The following ADNP variants were observed in gnomAD, a reference collection of about 807,000 sequenced individuals.
The protein encoded by ADNP is activity-dependent neuroprotector homeobox protein.
ADNP carries 4 observed loss-of-function variants against 84.9 expected under a neutral mutation model. The ratio of observed to expected loss-of-function variants is 0.05; its 90% CI spans 0.02 to 0.11. ADNP has a LOEUF of 0.11. Among genes scored for constraint, ADNP ranks in the 10% least tolerant of loss-of-function variants. The probability of loss-of-function intolerance (pLI) is 1.00; values close to 1 mark genes in which losing one functional copy is unlikely to be tolerated. For missense variants in ADNP, 1,132 were observed against 1,326.0 expected (o/e 0.85, Z 2.27); for synonymous variants, 554 against 468.1 (o/e 1.18, Z -2.37).
chr20:50,895,697 C>T (rs1469302830), intron 5 of ADNP, among the ~76,000 whole-genome samples: 2 of 152,166 alleles, frequency 1.3e-5, no homozygotes, highest in Non-Finnish European at 2.9e-5. Flanking sequence ...TGTGTGCCAC[C>T]ACACTAGGGT....
chr20:50,918,209 T>C (rs1005287657), intron 2 of ADNP, among the ~76,000 whole-genome samples: 2 of 152,142 alleles, frequency 1.3e-5, no homozygotes, highest in African/African-American at 4.8e-5. Flanking sequence ...GGCAGCAGTA[T>C]TGATTAGGGA....
chr20:50,902,641 T>G (rs1982102664), intron 4 of ADNP, among the ~76,000 whole-genome samples: 2 of 152,180 alleles, frequency 1.3e-5, no homozygotes, highest in South Asian at 2.1e-4. Context: ...TATACTCTCA[T>G]GTAAAAATTT....
intron 2 of ADNP, among the ~76,000 whole-genome samples, chr20:50,925,210 A>C (rs949812813): frequency 5.3e-5 from 8 of 152,038 alleles, no homozygotes; most frequent in Admixed American, 5.2e-4. Flanking sequence ...TGTGCCCTGC[A>C]ATCAAAACTG....
intron 2 of ADNP, among the ~76,000 whole-genome samples, chr20:50,907,413 C>T (rs145039130): frequency 7.2e-5 from 11 of 152,132 alleles, no homozygotes; most frequent in South Asian, 6.2e-4. Context: ...ACTACAGGCG[C>T]GTACCACCAC....
chr20:50,928,421 AATG>A (rs1984430602), intron 2 of ADNP, among the ~76,000 whole-genome samples: 1 of 152,212 alleles, frequency 6.6e-6, no homozygotes, highest in African/African-American at 2.4e-5. Flanking sequence ...GTAGAATGCA[AATG>A]ATTACAATAT....
At chr20:50,912,908 A>G (rs891516828) in intron 2 of ADNP, among the ~76,000 whole-genome samples, 4 of 152,082 alleles carry the variant, frequency 2.6e-5, no homozygotes, top group African/African-American at 9.7e-5. Flanking sequence ...GGGAGAAGAG[A>G]AGAGTGTGGA....
chr20:50,890,124 T>C lies in ADNP; in HGVS notation c.*1281A>G, dbSNP rs1980510109. On this transcript the variant is annotated 3_prime_UTR_variant, in exon 6 of 6. Transcript: ENST00000621696. ...ACTGAAAAACTCAAGGGTGTTTGTT[T>C]TTCAGTTAAAAAAAAAAAAAAAAAA... The C allele has an allele frequency of 7.4e-6, 2 of 271,108 alleles. No homozygotes were observed. The highest frequency in any genetic ancestry group is 5.1e-5 in the African/African-American group (2 of 39,314). The allele number at this position is 271,108 out of a possible 1,614,324, so 16.8% of individuals were successfully genotyped here.
At chr20:50,919,276 T>C (rs1427030149) in intron 2 of ADNP, among the ~76,000 whole-genome samples, 3 of 110,536 alleles carry the variant, frequency 2.7e-5, no homozygotes, top group East Asian at 2.3e-4. Context: ...CCTGAAAAAA[T>C]ACATATATTT....
intron 2 of ADNP, among the ~76,000 whole-genome samples, chr20:50,924,833 AAAT>A (rs1401058682): frequency 4.6e-5 from 7 of 152,258 alleles, no homozygotes; most frequent in African/African-American, 1.7e-4. Context: ...ACAGCTGGTC[AAAT>A]AATGCATGAC....
intron 5 of ADNP, among the ~76,000 whole-genome samples, chr20:50,899,046 T>C (rs1365372874): frequency 6.6e-6 from 1 of 152,146 alleles, no homozygotes; most frequent in Non-Finnish European, 1.5e-5. Context: ...TTGAACTGCT[T>C]ATATGTGGAT....
chr20:50,891,607 A>C lies in ADNP; in HGVS notation c.3107T>G (p.Val1036Gly). The change falls in exon 6 of 6, where the codon GTT (valine) becomes GGT (glycine). Residue 1036 changes from valine (V) to glycine (G), a missense_variant. This residue lies in a region of ADNP where 381 missense variants were observed against 319.9 expected (regional missense o/e 1.19). Transcript: ENST00000621696. ...LKWKNSSYGK[V>G]EGFWSKDQSQ... ...CTGGTCCTTAGACCAAAACCCTTCA[A>C]CTTTTCCATAGGAACTATTCTTCCA... 1 of 1,613,770 alleles carries C rather than the reference A, an allele frequency of 6.2e-7. No homozygotes were observed. The highest frequency in any genetic ancestry group is 8.5e-7 in the Non-Finnish European group (1 of 1,179,992).
Position 50,930,840 on chromosome 20 carries a change from G to T in ADNP, c.-279C>A. 6.8e-6 allele frequency: 1 copy of T among 147,614 alleles called. No homozygotes were observed. The highest frequency in any genetic ancestry group is 1.8e-4 in the South Asian group (1 of 5,630). 9.1% of individuals were successfully genotyped at this position (147,614 alleles called of 1,614,324 possible). ...GCCGGGCTTACCTTGACTCGGCCTC[G>T]AGGCGCGCGCGGGGCCGGCGTGCTC... On this transcript the variant is annotated 5_prime_UTR_variant, in exon 1 of 6. Coordinates refer to ENST00000621696, the MANE Select transcript of ADNP (RefSeq NM_001282531.3).
intron 5 of ADNP, among the ~76,000 whole-genome samples, chr20:50,895,635 T>C (rs773509990): frequency 2.0e-5 from 3 of 152,146 alleles, no homozygotes; most frequent in Non-Finnish European, 2.9e-5. Context: ...AGCCTCAACC[T>C]CTTGGGCTCA....
In ADNP at chr20:50,893,650, G is replaced by A; in HGVS notation, c.1064C>T (p.Ala355Val). The change falls in exon 6 of 6, where the codon GCA becomes GTA. Residue 355 changes from alanine to valine, a missense_variant. By Grantham distance (64) the Ala-to-Val change is moderately conservative. Transcript: ENST00000621696. This position sits in a 1 kb window ranked among gnomAD's most constrained non-coding sequence, Gnocchi z 4.4. Reference protein sequence around the residue: ...QSMRLGLGGNAPVSIPQQSQS... With the variant: ...QSMRLGLGGNVPVSIPQQSQS... The stretch of plus-strand genomic sequence containing the variant: ...AGATTGTTGAGGAATGGAAACTGGT[G>A]CGTTGCCACCTAGACCCAGTCTCAT... The A allele has an allele frequency of 6.2e-7, 1 of 1,614,178 alleles. No homozygotes were observed. The highest frequency in any genetic ancestry group is 1.1e-5 in the South Asian group (1 of 91,076).
Position 50,891,983 on chromosome 20 carries a change from G to A in ADNP, c.2731C>T (p.His911Tyr), listed in dbSNP as rs553585151. 5 of 1,614,178 alleles carry A rather than the reference G, an allele frequency of 3.1e-6. No individual in the cohort carries two copies. The African/African-American group carries it at 5.3e-5, about 17-fold the overall frequency. The change falls in exon 6 of 6, where the codon CAT (histidine) becomes TAT (tyrosine). Residue 911 changes from histidine to tyrosine, a missense_variant. Around this residue, in one of 10 missense-constraint regions of ADNP, gnomAD observed 381 missense variants for 319.9 expected, o/e 1.19. Transcript: ENST00000621696. ...PKISNDNPEEHVLKVIPEDAS... is the reference protein window; with the variant it reads ...PKISNDNPEEYVLKVIPEDAS... The stretch of plus-strand genomic sequence containing the variant: ...TCCTCAGGAATTACCTTCAGTACAT[G>A]TTCCTCTGGGTTATCGTTAGAGATT...
chr20:50,904,565 ACT>A (rs1600958172), intron 3 of ADNP, 199 bp downstream of exon 3: 1 of 152,244 alleles, frequency 6.6e-6, no homozygotes, highest in African/African-American at 2.4e-5. Context: ...CAAAATAAGT[ACT>A]CTCTGATTTT....
chr20:50,926,154 C>A (rs574862027), intron 2 of ADNP, among the ~76,000 whole-genome samples: 2 of 152,138 alleles, frequency 1.3e-5, no homozygotes, highest in African/African-American at 4.8e-5. Flanking sequence ...TAAGTTTATA[C>A]GATGCTAATA....
chr20:50,911,190 T>A (rs888972444), intron 2 of ADNP, among the ~76,000 whole-genome samples: 1 of 152,232 alleles, frequency 6.6e-6, no homozygotes, highest in Non-Finnish European at 1.5e-5. Context: ...ATGCATGATA[T>A]TTGTATCTGT....
At chr20:50,927,468 C>T (rs989902818) in intron 2 of ADNP, among the ~76,000 whole-genome samples, 2 of 152,164 alleles carry the variant, frequency 1.3e-5, no homozygotes, top group African/African-American at 4.8e-5. Flanking sequence ...TACCCATTCC[C>T]CACACTCTAG....
Sources: allele counts gnomAD v4.1 joint callset (sites outside exome capture counted in the v4.1 genomes callset), GRCh38; gene constraint gnomAD v4.1.1; regional missense constraint gnomAD v4.1.1; non-coding constraint Gnocchi (gnomAD v3.1); transcripts MANE v1.5; gene names NCBI Gene and HGNC (gene_info 2026-07-23, HGNC 2026-07-21).